The following PPM1H variants were observed in gnomAD, a reference collection of about 807,000 sequenced individuals.
PPM1H encodes protein phosphatase, Mg2+/Mn2+ dependent 1H.
PPM1H carries 27 observed loss-of-function variants against 54.9 expected under a neutral mutation model. The observed-to-expected ratio is 0.49, with a 90% CI of 0.36 to 0.68. PPM1H has a LOEUF of 0.68. Among genes scored for constraint, PPM1H ranks in the 30% least tolerant of loss-of-function variants. PPM1H has a pLI of 0.00. For missense variants in PPM1H, 596 were observed against 667.8 expected, an observed-to-expected ratio of 0.89 and a Z score of 1.19; for synonymous variants, 305 against 270.8, an observed-to-expected ratio of 1.13 and a Z score of -1.24.
Position 62,648,386 on chromosome 12 carries a change from G to C in PPM1H, c.*103C>G. 1 of 1,427,294 alleles carries C rather than the reference G, an allele frequency of 7.0e-7. No homozygotes were observed. The highest frequency in any genetic ancestry group is 9.6e-7 in the Non-Finnish European group (1 of 1,036,798). The allele number at this position is 1,427,294 out of a possible 1,614,324, so 88.4% of individuals were successfully genotyped here. A position where few individuals can be genotyped will look rare whatever the true frequency, so the allele number is the denominator to read the frequency against. ...GAACTCCCCGCTTGGGCTGGGAAGA[G>C]ACTGCATCACTTGGAACTCAGCTGG... On this transcript the variant is annotated 3_prime_UTR_variant, in exon 10 of 10. Transcript: ENST00000228705.
chr12:62,702,931 C>G (rs1455610797), intron 6 of PPM1H, among the ~76,000 whole-genome samples: 4 of 152,206 alleles, frequency 2.6e-5, no homozygotes, highest in Non-Finnish European at 5.9e-5. Flanking sequence ...TGTGAACTGG[C>G]TGTATGAACC....
At chr12:62,894,919 G>A (rs56654926) in intron 1 of PPM1H, among the ~76,000 whole-genome samples, 1 of 152,304 alleles carries the variant, frequency 6.6e-6, no homozygotes, top group Admixed American at 6.5e-5. Flanking sequence ...AATTTTTATT[G>A]TTGGGGGCTG....
chr12:62,794,626 C>T (rs751275666), intron 3 of PPM1H, among the ~76,000 whole-genome samples: 3 of 152,142 alleles, frequency 2.0e-5, no homozygotes, highest in Admixed American at 6.5e-5. Context: ...CAGGTTAAAA[C>T]GGTAATCACT....
rs543565296 is a variant in PPM1H, at chr12:62,697,133, C to CTTTT, written c.1074-3138_1074-3135dup. On this transcript the variant is annotated intron_variant, in intron 6 of 9. Coordinates refer to ENST00000228705, the MANE Select transcript of PPM1H (RefSeq NM_020700.2). ...GTCAGCAGAAGTGATGGTCTGTGTT[C>CTTTT]TTTTTTTTTTTGAGACAGAGTCTCG... Among the ~76,000 whole-genome samples the CTTTT allele has an allele frequency of 1.4e-4, 20 of 146,526 alleles. 1 individual carries two copies. Among genetic ancestry groups the CTTTT allele is most frequent in the Admixed American group, 2.0e-4 (3 of 14,738 alleles).
At chr12:62,744,470 C>CA (rs35852199) in intron 4 of PPM1H, among the ~76,000 whole-genome samples, 26,554 of 87,842 alleles carry the variant, frequency 0.3, 2,869 homozygotes, top group East Asian at 0.39. Flanking sequence ...GACTCTGTCT[C>CA]AAAAAAAAAA....
At chr12:62,900,719 C>T (rs904849163) in intron 1 of PPM1H, among the ~76,000 whole-genome samples, 2 of 151,940 alleles carry the variant, frequency 1.3e-5, no homozygotes, top group African/African-American at 4.8e-5. Context: ...AATCCACATA[C>T]TAATTCCTGA....
chr12:62,712,302 T>C (rs2076211992), intron 6 of PPM1H, among the ~76,000 whole-genome samples: 1 of 152,230 alleles, frequency 6.6e-6, no homozygotes, highest in African/African-American at 2.4e-5. Context: ...ATTTTCAGAG[T>C]GCTTTCAGCA....
intron 1 of PPM1H, among the ~76,000 whole-genome samples, chr12:62,918,656 C>G (rs78735694): frequency 0.06 from 9,183 of 152,140 alleles, 607 homozygotes; most frequent in East Asian, 0.27. Context: ...AAAGATTTAC[C>G]TACAAGGAGG....
intron 4 of PPM1H, among the ~76,000 whole-genome samples, chr12:62,769,130 T>C (rs1014950653): frequency 3.9e-5 from 6 of 152,194 alleles, no homozygotes; most frequent in Admixed American, 2.6e-4. Flanking sequence ...TTGCTGGCAA[T>C]GCACTAAAAC....
At chr12:62,926,617 TTA>T (rs1284759318) in intron 1 of PPM1H, among the ~76,000 whole-genome samples, 2 of 152,060 alleles carry the variant, frequency 1.3e-5, no homozygotes, top group Non-Finnish European at 2.9e-5. Context: ...ATATGAAACA[TTA>T]TCTCAACAGA....
At chr12:62,739,181 G>T (rs1232684912) in intron 4 of PPM1H, among the ~76,000 whole-genome samples, 1 of 152,010 alleles carries the variant, frequency 6.6e-6, no homozygotes, top group Non-Finnish European at 1.5e-5. Flanking sequence ...CTTTTATTAT[G>T]CTGTCTGAAA....
At chr12:62,829,882 A>G (rs2120848204) in intron 2 of PPM1H, among the ~76,000 whole-genome samples, 1 of 152,364 alleles carries the variant, frequency 6.6e-6, no homozygotes, top group African/African-American at 2.4e-5. Context: ...ATCACTTTAT[A>G]TCCCAGGGGC....
At chr12:62,833,087 T>C (rs962990900) in intron 1 of PPM1H, among the ~76,000 whole-genome samples, 2 of 152,230 alleles carry the variant, frequency 1.3e-5, no homozygotes, top group African/African-American at 4.8e-5. Context: ...CTTAAGTAAT[T>C]AAGCAGCAGC....
intron 6 of PPM1H, among the ~76,000 whole-genome samples, chr12:62,697,492 C>T (rs545944151): frequency 2.0e-5 from 3 of 152,250 alleles, no homozygotes; most frequent in Admixed American, 1.3e-4. Flanking sequence ...ACAGACTTTC[C>T]TCAAACTGCT....
At chr12:62,814,150 G>A (rs1325140910) in intron 2 of PPM1H, among the ~76,000 whole-genome samples, 4 of 152,178 alleles carry the variant, frequency 2.6e-5, no homozygotes, top group Non-Finnish European at 4.4e-5. Context: ...CATGATCATA[G>A]TTCACTGCAG....
rs1022388606 is a variant in PPM1H at position 62,818,757 on chromosome 12, G to A, written c.411+13357C>T. On this transcript the variant is annotated intron_variant, in intron 2 of 9. Coordinates refer to ENST00000228705, the MANE Select transcript of PPM1H (RefSeq NM_020700.2). Reference sequence around the variant, plus strand: ...TCCACCTTCATTTGTCATTGAGAACGCCCTTCTCTACTATACTACATACCT... The same window carrying A: ...TCCACCTTCATTTGTCATTGAGAACACCCTTCTCTACTATACTACATACCT... Among the ~76,000 whole-genome samples, 9 of 151,700 alleles carry A rather than the reference G, an allele frequency of 5.9e-5. No individual in the cohort carries two copies. The South Asian group carries it at 1.0e-3, about 18-fold the overall frequency.
chr12:62,732,550 A>G (rs1176412608), intron 5 of PPM1H, among the ~76,000 whole-genome samples: 1 of 150,518 alleles, frequency 6.6e-6, no homozygotes, highest in Non-Finnish European at 1.5e-5. Flanking sequence ...GTGGCTAGGG[A>G]CCCAGAAGTT....
chr12:62,733,191 G>C (rs967103862), intron 5 of PPM1H, among the ~76,000 whole-genome samples: 1 of 152,102 alleles, frequency 6.6e-6, no homozygotes, highest in East Asian at 1.9e-4. Flanking sequence ...ACTCATGACT[G>C]GGCTGGGCTG....
At chr12:62,719,081 T>C (rs1349773465) in intron 6 of PPM1H, among the ~76,000 whole-genome samples, 2 of 152,194 alleles carry the variant, frequency 1.3e-5, no homozygotes, top group Non-Finnish European at 2.9e-5. Flanking sequence ...AACCTTGTTG[T>C]AGAGGAAGAA....
Sources: allele counts gnomAD v4.1 joint callset (sites outside exome capture counted in the v4.1 genomes callset), GRCh38; gene constraint gnomAD v4.1.1; transcripts MANE v1.5; gene names NCBI Gene and HGNC (gene_info 2026-07-23, HGNC 2026-07-21).